Variants in LINGO2 observed in about 807,000 individuals in gnomAD.
LINGO2 encodes leucine-rich repeat and immunoglobulin-like domain-containing nogo receptor-interacting protein 2.
LINGO2 carries 14 observed loss-of-function variants against 30.6 expected under a neutral mutation model. The observed-to-expected ratio is 0.46, with a 90% CI of 0.30 to 0.72. LINGO2 has a LOEUF of 0.72. Ranked by LOEUF, LINGO2 falls within the 30% of genes least tolerant of loss-of-function variation. The pLI, the probability that LINGO2 is intolerant of heterozygous loss-of-function variation, is 0.07. For missense variants in LINGO2, 729 were observed against 751.7 expected (o/e 0.97, Z 0.35); for synonymous variants, 317 against 288.5 (o/e 1.10, Z -1.00).
At chr9:29,178,535 A>C in the LINGO2 span, among the ~76,000 whole-genome samples, 1 of 152,100 alleles carries the variant, frequency 6.6e-6, no homozygotes, top group African/African-American at 2.4e-5. Context: ...CACTGCCTTC[A>C]TTATCTTATA....
chr9:28,479,891 GTA>G, intron 1 of LINGO2, among the ~76,000 whole-genome samples: 1 of 130,696 alleles, frequency 7.7e-6, no homozygotes, highest in Admixed American at 8.1e-5. Flanking sequence ...GTGTATGTGT[GTA>G]TGTGTATATA....
chr9:28,931,735 A>G, the LINGO2 span, among the ~76,000 whole-genome samples: 4 of 152,214 alleles, frequency 2.6e-5, no homozygotes, highest in Admixed American at 6.5e-5. Flanking sequence ...GTAGTTTTCA[A>G]TGACTTCAAA....
the LINGO2 span, among the ~76,000 whole-genome samples, chr9:29,188,988 G>T: frequency 7.0e-6 from 1 of 142,288 alleles, no homozygotes; most frequent in African/African-American, 2.8e-5. Flanking sequence ...TGCCGGATGG[G>T]GCGGCTGGCC....
chr9:28,460,734 G>A (rs1000874686), intron 2 of LINGO2, among the ~76,000 whole-genome samples: 4 of 152,014 alleles, frequency 2.6e-5, no homozygotes, highest in African/African-American at 9.7e-5. Flanking sequence ...CTACTGTGCA[G>A]GTATTTGGGA....
At chr9:28,536,446 C>G (rs1821440165) in intron 1 of LINGO2, among the ~76,000 whole-genome samples, 1 of 152,012 alleles carries the variant, frequency 6.6e-6, no homozygotes, top group Non-Finnish European at 1.5e-5. Flanking sequence ...AAAAATATAG[C>G]TGCCATTGTA....
chr9:28,085,303 G>T (rs1825877415), intron 4 of LINGO2, among the ~76,000 whole-genome samples: 1 of 152,066 alleles, frequency 6.6e-6, no homozygotes, highest in South Asian at 2.1e-4. Flanking sequence ...GGTGGCAATT[G>T]GAGAAGAGGG....
chr9:28,040,680 G>A (rs1824161747), intron 4 of LINGO2, among the ~76,000 whole-genome samples: 1 of 151,954 alleles, frequency 6.6e-6, no homozygotes, highest in African/African-American at 2.4e-5. Context: ...TGCCTTGACT[G>A]TTTCTAAAAT....
At chr9:28,434,636 C>T (rs1823846027) in intron 2 of LINGO2, among the ~76,000 whole-genome samples, 1 of 151,948 alleles carries the variant, frequency 6.6e-6, no homozygotes, top group East Asian at 1.9e-4. Flanking sequence ...CAGTATTCGC[C>T]ATACATTCGT....
intron 1 of LINGO2, among the ~76,000 whole-genome samples, chr9:28,492,941 T>G (rs1321226981): frequency 6.6e-6 from 1 of 152,094 alleles, no homozygotes; most frequent in Non-Finnish European, 1.5e-5. Context: ...TTTCAAAAAT[T>G]TACAGAAGTG....
chr9:29,096,153 C>CA, the LINGO2 span, among the ~76,000 whole-genome samples: 1 of 138,272 alleles, frequency 7.2e-6, no homozygotes, highest in South Asian at 2.3e-4. Flanking sequence ...TTTAAAAAAA[C>CA]AAAAAAAGGA....
At chr9:29,196,924 C>T in the LINGO2 span, among the ~76,000 whole-genome samples, 1 of 152,018 alleles carries the variant, frequency 6.6e-6, no homozygotes, top group Non-Finnish European at 1.5e-5. Flanking sequence ...AGATAACTCA[C>T]TCTTCTTCTC....
the LINGO2 span, among the ~76,000 whole-genome samples, chr9:28,734,694 C>G: frequency 6.6e-6 from 1 of 152,158 alleles, no homozygotes; most frequent in Non-Finnish European, 1.5e-5. Context: ...AATGCTCCTT[C>G]AATGAATTTT....
chr9:28,392,706 C>A (rs1483958743), intron 2 of LINGO2, among the ~76,000 whole-genome samples: 2 of 152,036 alleles, frequency 1.3e-5, no homozygotes, highest in Non-Finnish European at 2.9e-5. Context: ...GGTGACCAGT[C>A]CCATGTTGAG....
intron 2 of LINGO2, among the ~76,000 whole-genome samples, chr9:28,383,274 G>T (rs1821432016): frequency 6.6e-6 from 1 of 151,838 alleles, no homozygotes; most frequent in African/African-American, 2.4e-5. Context: ...GTGTGTGTGT[G>T]TGTGTGTGTG....
intron 1 of LINGO2, among the ~76,000 whole-genome samples, chr9:28,627,834 T>TGATA: frequency 1.3e-5 from 2 of 152,178 alleles, no homozygotes; most frequent in African/African-American, 4.8e-5. Flanking sequence ...AAAGTAAAGA[T>TGATA]GATAGTACAA....
chr9:28,103,298 T>A (rs1331346959), intron 4 of LINGO2, among the ~76,000 whole-genome samples: 1 of 152,158 alleles, frequency 6.6e-6, no homozygotes, highest in East Asian at 1.9e-4. Context: ...ACATAAACGG[T>A]CATGATTCTC....
intron 1 of LINGO2, among the ~76,000 whole-genome samples, chr9:28,660,415 T>G (rs1243531412): frequency 6.6e-6 from 1 of 152,074 alleles, no homozygotes; most frequent in Non-Finnish European, 1.5e-5. Context: ...GCATTTGTAA[T>G]AAATGTAAAT....
intron 3 of LINGO2, among the ~76,000 whole-genome samples, chr9:28,343,496 T>G (rs1389249897): frequency 1.3e-5 from 2 of 152,174 alleles, no homozygotes; most frequent in Non-Finnish European, 2.9e-5. Context: ...CAAAGATTGT[T>G]CTGTATACAT....
chr9:28,372,280 T>C (rs1820933381), intron 3 of LINGO2, among the ~76,000 whole-genome samples: 1 of 152,242 alleles, frequency 6.6e-6, no homozygotes, highest in South Asian at 2.1e-4. Flanking sequence ...CTAATAGCTA[T>C]TGGTGCAAAG....
Sources: allele counts gnomAD v4.1 joint callset (sites outside exome capture counted in the v4.1 genomes callset), GRCh38; gene constraint gnomAD v4.1.1; transcripts MANE v1.5; gene names NCBI Gene and HGNC (gene_info 2026-07-23, HGNC 2026-07-21).